The following GNA14 variants were observed in gnomAD, a reference collection of about 807,000 sequenced individuals.
The protein encoded by GNA14 is guanine nucleotide-binding protein subunit alpha-14.
In GNA14, 50 loss-of-function variants were observed where a neutral mutation model predicts 42.0. That is an observed-to-expected ratio of 1.19 (90% confidence interval 0.95 to 1.51). The LOEUF (loss-of-function observed/expected upper bound fraction) is 1.51. GNA14 is among the 40% of genes most tolerant of loss of function. The pLI is 0.00. For missense variants in GNA14, 473 were observed against 446.2 expected (o/e 1.06, Z -0.54); for synonymous variants, 173 against 163.1 (o/e 1.06, Z -0.46).
At chr9:77,525,604 T>A (rs1311348568) in intron 2 of GNA14, among the ~76,000 whole-genome samples, 1 of 150,870 alleles carries the variant, frequency 6.6e-6, no homozygotes, top group Non-Finnish European at 1.5e-5. Flanking sequence ...AGTGGCATGA[T>A]CTCCGCTCAC....
chr9:77,644,833 CT>C (rs1824329560), intron 1 of GNA14, among the ~76,000 whole-genome samples: 1 of 152,204 alleles, frequency 6.6e-6, no homozygotes, highest in Non-Finnish European at 1.5e-5. Flanking sequence ...ATCATTTTCC[CT>C]TATTTAATAG....
At chr9:77,598,122 T>A (rs1480031988) in intron 1 of GNA14, among the ~76,000 whole-genome samples, 1 of 152,160 alleles carries the variant, frequency 6.6e-6, no homozygotes, top group Non-Finnish European at 1.5e-5. Flanking sequence ...ACCTTGCTGG[T>A]ATGTTCCTTA....
intron 2 of GNA14, among the ~76,000 whole-genome samples, chr9:77,437,171 C>G (rs1243107374): frequency 6.6e-6 from 1 of 152,222 alleles, no homozygotes; most frequent in Non-Finnish European, 1.5e-5. Flanking sequence ...GCATTTCTAT[C>G]TCTCCTTCTC....
intron 1 of GNA14, among the ~76,000 whole-genome samples, chr9:77,586,455 A>T (rs1823304345): frequency 6.6e-6 from 1 of 152,118 alleles, no homozygotes; most frequent in Admixed American, 6.5e-5. Flanking sequence ...GTGCTACTTC[A>T]CTCCCACTAA....
At chr9:77,454,625 T>C (rs1835968822) in intron 2 of GNA14, among the ~76,000 whole-genome samples, 1 of 149,474 alleles carries the variant, frequency 6.7e-6, no homozygotes, top group African/African-American at 2.5e-5. Context: ...AGTTTTCAGG[T>C]TCCTGTCCAT....
At chr9:77,587,336 T>G (rs1018420230) in intron 1 of GNA14, among the ~76,000 whole-genome samples, 4 of 152,190 alleles carry the variant, frequency 2.6e-5, no homozygotes, top group Non-Finnish European at 5.9e-5. Flanking sequence ...GAACTCATAT[T>G]AGTATCTATA....
intron 2 of GNA14, among the ~76,000 whole-genome samples, chr9:77,449,491 C>T (rs183806296): frequency 6.6e-5 from 10 of 152,280 alleles, no homozygotes; most frequent in Non-Finnish European, 8.8e-5. Context: ...GGTTCAATAT[C>T]GTATTGTTTG....
intron 2 of GNA14, among the ~76,000 whole-genome samples, chr9:77,449,497 G>A (rs1457056328): frequency 6.6e-6 from 1 of 152,114 alleles, no homozygotes; most frequent in Admixed American, 6.5e-5. Context: ...ATATCGTATT[G>A]TTTGTTTTTA....
intron 1 of GNA14, among the ~76,000 whole-genome samples, chr9:77,608,774 G>A (rs1398193746): frequency 2.0e-5 from 1 of 51,102 alleles, no homozygotes; most frequent in Non-Finnish European, 5.0e-5. Flanking sequence ...TTCTAATTTT[G>A]TTACTTTAAT....
At chr9:77,432,710 C>T (rs1306192960) in intron 3 of GNA14, among the ~76,000 whole-genome samples, 2 of 152,176 alleles carry the variant, frequency 1.3e-5, no homozygotes, top group Non-Finnish European at 1.5e-5. Context: ...CCACGCCCCT[C>T]GTCCATGTCA....
At chr9:77,618,635 T>A (rs1168902596) in intron 1 of GNA14, among the ~76,000 whole-genome samples, 2 of 49,798 alleles carry the variant, frequency 4.0e-5, no homozygotes, top group Non-Finnish European at 7.1e-5. Context: ...TTTTTTTTTT[T>A]TTTTTTTTTT....
chr9:77,587,808 TGCACACAA>T (rs887859856), intron 1 of GNA14, among the ~76,000 whole-genome samples: 9 of 152,220 alleles, frequency 5.9e-5, no homozygotes, highest in African/African-American at 2.2e-4. Context: ...TTGAAACACA[TGCACACAA>T]GCACACGTAT....
At chr9:77,620,303 G>C (rs1480849505) in intron 1 of GNA14, among the ~76,000 whole-genome samples, 1 of 152,068 alleles carries the variant, frequency 6.6e-6, no homozygotes, top group Admixed American at 6.6e-5. Flanking sequence ...AGCCATACTG[G>C]GATTTATACC....
intron 1 of GNA14, among the ~76,000 whole-genome samples, chr9:77,586,228 A>C (rs1018755188): frequency 2.6e-5 from 4 of 152,208 alleles, no homozygotes; most frequent in Admixed American, 1.3e-4. Context: ...AGCACCAATT[A>C]GGGGTCTAGC....
chr9:77,438,120 T>C lies in GNA14; in HGVS notation c.310-3598A>G, dbSNP rs566403217. On this transcript the variant is annotated intron_variant, in intron 2 of 6. Coordinates refer to ENST00000341700, the MANE Select transcript of GNA14 (RefSeq NM_004297.4). ...TGTCTGTTTAGCCGGGTGAGGGGAA[T>C]TTGGAGAATCTGGCTTGAAAGAAGC... Among the ~76,000 whole-genome samples, 3 of 152,200 alleles carry C rather than the reference T, an allele frequency of 2.0e-5. No homozygotes were observed. The South Asian group carries it at 6.2e-4, about 32-fold the overall frequency.
intron 2 of GNA14, among the ~76,000 whole-genome samples, chr9:77,502,586 A>T (rs574821476): frequency 4.2e-4 from 64 of 152,096 alleles, no homozygotes; most frequent in South Asian, 8.3e-4. Context: ...TCCCTGTGCC[A>T]CGGTTGGGGT....
chr9:77,641,088 AGGGGAG>A (rs1824253609), intron 1 of GNA14, among the ~76,000 whole-genome samples: 1 of 20,956 alleles, frequency 4.8e-5, no homozygotes, highest in Non-Finnish European at 7.2e-5. Context: ...AGGGGAGGGG[AGGGGAG>A]GGGGGGGAAG....
chr9:77,501,554 T>C (rs1344314939), intron 2 of GNA14, among the ~76,000 whole-genome samples: 1 of 152,172 alleles, frequency 6.6e-6, no homozygotes, highest in Non-Finnish European at 1.5e-5. Flanking sequence ...TGGATCAGTT[T>C]TTTATAACTG....
chr9:77,477,116 G>A (rs1005954012), intron 2 of GNA14, among the ~76,000 whole-genome samples: 5 of 152,140 alleles, frequency 3.3e-5, no homozygotes, highest in African/African-American at 1.2e-4. Context: ...CAGCACTTTC[G>A]GAGGCTGAGG....
Sources: gnomAD v4.1 joint callset for allele counts (sites outside exome capture counted in the v4.1 genomes callset) on GRCh38, gnomAD v4.1.1 for gene constraint, MANE v1.5 for transcripts, NCBI Gene and HGNC (gene_info 2026-07-23, HGNC 2026-07-21) for gene names.